The following ATG4C variants were observed in gnomAD, a reference collection of about 807,000 sequenced individuals.
ATG4C encodes autophagy related 4C cysteine peptidase.
ATG4C carries 56 observed loss-of-function variants against 57.6 expected under a neutral mutation model. The ratio of observed to expected loss-of-function variants is 0.97; its 90% CI spans 0.78 to 1.21. The LOEUF (loss-of-function observed/expected upper bound fraction) is 1.21, where lower values mean the gene tolerates loss of function less well. Among genes scored for constraint, ATG4C ranks in the 50% most tolerant of loss-of-function variants. The pLI, the probability that ATG4C is intolerant of heterozygous loss-of-function variation, is 0.00. For missense variants in ATG4C, 595 were observed against 529.8 expected (o/e 1.12, Z -1.21); for synonymous variants, 157 against 174.1 (o/e 0.90, Z 0.78).
chr1:62,806,842 A>T (rs1664897285), intron 3 of ATG4C, among the ~76,000 whole-genome samples: 1 of 152,232 alleles, frequency 6.6e-6, no homozygotes, highest in Non-Finnish European at 1.5e-5. Flanking sequence ...ACAACACATT[A>T]TCATTGCAAG....
chr1:62,804,004 G>T (rs1664770880), intron 2 of ATG4C, 142 bp downstream of exon 2: 5 of 511,298 alleles, frequency 9.8e-6, no homozygotes, highest in Non-Finnish European at 1.7e-5. Context: ...AAGGAATGTA[G>T]TTAAAAATAT....
chr1:62,805,397 A>G (rs1664845627), intron 3 of ATG4C, 142 bp downstream of exon 3: 9 of 1,208,344 alleles, frequency 7.4e-6, no homozygotes, highest in Admixed American at 4.2e-5. Context: ...ATATATTACT[A>G]TGTTGTTTGG....
chr1:62,805,108 A>G, intron 2 of ATG4C, 64 bp from the exon 3 acceptor site: 1 of 1,469,860 alleles, frequency 6.8e-7, no homozygotes, highest in Non-Finnish European at 8.9e-7. Flanking sequence ...AAACGCTGCT[A>G]GACTTTTAGT....
At chr1:62,802,354 A>G (rs1046461501) in intron 1 of ATG4C, among the ~76,000 whole-genome samples, 1 of 152,062 alleles carries the variant, frequency 6.6e-6, no homozygotes, top group African/African-American at 2.4e-5. Context: ...CAGGATCTGT[A>G]ACCTCTTGAG....
At chr1:62,798,350 T>G (rs1011829612) in intron 1 of ATG4C, among the ~76,000 whole-genome samples, 1 of 152,234 alleles carries the variant, frequency 6.6e-6, no homozygotes, top group Non-Finnish European at 1.5e-5. Flanking sequence ...TTTTTCATAT[T>G]AGGTACTAAA....
chr1:62,803,162 T>C (rs1664739122), intron 1 of ATG4C, among the ~76,000 whole-genome samples: 1 of 152,216 alleles, frequency 6.6e-6, no homozygotes, highest in African/African-American at 2.4e-5. Flanking sequence ...TAAGCCGTTC[T>C]GTTTGTTTAA....
chr1:62,796,299 A>C (rs1357081797), intron 1 of ATG4C, among the ~76,000 whole-genome samples: 3 of 143,976 alleles, frequency 2.1e-5, no homozygotes, highest in Non-Finnish European at 4.7e-5. Context: ...AATATAAATA[A>C]AATATTTTAA....
chr1:62,810,213 T>C (rs1665032040), intron 3 of ATG4C, among the ~76,000 whole-genome samples: 1 of 152,162 alleles, frequency 6.6e-6, no homozygotes, highest in Non-Finnish European at 1.5e-5. Flanking sequence ...TATTGAGAGG[T>C]TACTATGTGC....
intron 1 of ATG4C, among the ~76,000 whole-genome samples, chr1:62,793,596 CG>C (rs1273350825): frequency 6.5e-5 from 2 of 30,670 alleles, no homozygotes; most frequent in African/African-American, 1.2e-4. Context: ...GACCTTGTCT[CG>C]AAAAAAAAAA....
chr1:62,842,355 G>A (rs965896184), intron 10 of ATG4C, among the ~76,000 whole-genome samples: 1 of 149,154 alleles, frequency 6.7e-6, no homozygotes, highest in Non-Finnish European at 1.5e-5. Flanking sequence ...AGGCTGGAGT[G>A]CAATGGCGCG....
At chr1:62,858,133 G>A (rs1402899890) in intron 10 of ATG4C, among the ~76,000 whole-genome samples, 1 of 152,174 alleles carries the variant, frequency 6.6e-6, no homozygotes, top group African/African-American at 2.4e-5. Flanking sequence ...TCAGGCTGGT[G>A]AAAACAGTTC....
At chr1:62,803,685 A>T in intron 1 of ATG4C, 34 bp from the exon 2 acceptor site, 1 of 664,274 alleles carries the variant, frequency 1.5e-6, no homozygotes, top group Non-Finnish European at 2.5e-6. Flanking sequence ...CCATATATGT[A>T]GTAATTACTG....
In ATG4C at chr1:62,829,172, T is replaced by A. The variant is rs765459944; in HGVS notation, c.929T>A (p.Val310Glu). The A allele has an allele frequency of 6.2e-7, 1 of 1,612,376 alleles. No homozygotes were observed. The highest frequency in any genetic ancestry group is 8.5e-7 in the Non-Finnish European group (1 of 1,179,038). The change falls in exon 7 of 11, where the codon GTG (valine) becomes GAG (glutamate). Residue 310 changes from valine (V) to glutamate (E), a missense_variant. Transcript: ENST00000317868. ...ACCAACACCGACTACTTAGAATTTG[T>A]GAAGGTATGAAATAAGTGCTGAACT... ...ERTNTDYLEF[V>E]KGILSLEYCV...
chr1:62,819,688 G>T (rs1010210483), intron 5 of ATG4C, among the ~76,000 whole-genome samples: 6 of 151,792 alleles, frequency 4.0e-5, no homozygotes, highest in Admixed American at 3.9e-4. Context: ...GTGTAACCTG[G>T]GGGCTGTAAT....
chr1:62,861,814 A>G (rs959521632), intron 10 of ATG4C, among the ~76,000 whole-genome samples: 1 of 152,150 alleles, frequency 6.6e-6, no homozygotes, highest in African/African-American at 2.4e-5. Context: ...AATAATTTAG[A>G]TTAACTTTTA....
intron 7 of ATG4C, among the ~76,000 whole-genome samples, chr1:62,831,043 T>C (rs1256687370): frequency 6.6e-6 from 1 of 152,196 alleles, no homozygotes; most frequent in East Asian, 1.9e-4. Flanking sequence ...AGTTTGTTTT[T>C]CATGGTTTTC....
chr1:62,825,971 G>C (rs1025005811), intron 6 of ATG4C, among the ~76,000 whole-genome samples: 4 of 151,864 alleles, frequency 2.6e-5, no homozygotes, highest in African/African-American at 9.7e-5. Flanking sequence ...GCAGTGGCAC[G>C]ATCTCAGCTC....
chr1:62,838,570 G>A (rs1443551633), intron 9 of ATG4C, among the ~76,000 whole-genome samples: 1 of 152,100 alleles, frequency 6.6e-6, no homozygotes, highest in Non-Finnish European at 1.5e-5. Flanking sequence ...CTGAGGTCAG[G>A]AGTTTGAGAC....
chr1:62,787,487 GA>G lies in ATG4C; in HGVS notation c.-69+3219del, dbSNP rs1664131371. On this transcript the variant is annotated intron_variant, in intron 1 of 10. Transcript: ENST00000317868. The stretch of plus-strand genomic sequence containing the variant: ...CATACATAAATATACATGCATTAGG[GA>G]AAAATACATACTTGTGATTTTTCTC... Among the ~76,000 whole-genome samples the G allele has an allele frequency of 2.0e-5, 3 of 152,042 alleles. No individual in the cohort carries two copies. The South Asian group carries it at 6.2e-4, about 32-fold the overall frequency.
Sources: gnomAD v4.1 joint callset for allele counts (sites outside exome capture counted in the v4.1 genomes callset) on GRCh38, gnomAD v4.1.1 for gene constraint, MANE v1.5 for transcripts, NCBI Gene and HGNC (gene_info 2026-07-23, HGNC 2026-07-21) for gene names.